UEVLD: variants seen among roughly 807,000 people sequenced by gnomAD.
UEVLD encodes the protein UEV and lactate/malate dehyrogenase domains, also known as ubiquitin-conjugating enzyme E2 variant 3.
In UEVLD, 47 loss-of-function variants were observed where a neutral mutation model predicts 58.6. That is an observed-to-expected ratio of 0.80 (90% CI 0.63 to 1.02). The LOEUF (loss-of-function observed/expected upper bound fraction) is 1.02. Among genes scored for constraint, UEVLD ranks in the 50% least tolerant of loss-of-function variants. The pLI, the probability that UEVLD is intolerant of heterozygous loss-of-function variation, is 0.00. For synonymous variants in UEVLD, 197 were observed against 195.3 expected (o/e 1.01, Z -0.07); for missense variants, 510 against 550.6 (o/e 0.93, Z 0.74).
At chr11:18,563,656 T>C in intron 6 of UEVLD, 1 of 980,604 alleles carries the variant, frequency 1.0e-6, no homozygotes, top group South Asian at 4.7e-5. Context: ...TTGAAATGTT[T>C]ATAGAAGCAT....
At position 18,586,758 on chromosome 11, in the gene UEVLD, G is replaced by C. The variant is rs922808488; in HGVS notation, c.42+1855C>G. On this transcript the variant is annotated intron_variant, in intron 1 of 11. Transcript: ENST00000396197. The stretch of plus-strand genomic sequence containing the variant: ...AATGGTCAGGAAACTTCATATATTT[G>C]CTGCACTGACTTGTTTCTGATTGGT... 2.0e-4 allele frequency among the ~76,000 whole-genome samples: 31 copies of C among 152,172 alleles called. 1 individual carries two copies. The highest frequency in any genetic ancestry group is 2.0e-3 in the Admixed American group (31 of 15,274).
chr11:18,588,421 G>T (rs1316261777), intron 1 of UEVLD, among the ~76,000 whole-genome samples, 192 bp downstream of exon 1: 1 of 152,174 alleles, frequency 6.6e-6, no homozygotes, highest in Non-Finnish European at 1.5e-5. Context: ...CCTCAGAGTT[G>T]CGGGAGAAAT....
intron 9 of UEVLD, among the ~76,000 whole-genome samples, chr11:18,541,375 T>C (rs1851045483): frequency 6.6e-6 from 1 of 152,222 alleles, no homozygotes; most frequent in Non-Finnish European, 1.5e-5. Context: ...ACATGTGTGC[T>C]TGTCTATACA....
chr11:18,545,735 G>A (rs1332193428), intron 8 of UEVLD, among the ~76,000 whole-genome samples: 4 of 152,154 alleles, frequency 2.6e-5, no homozygotes, highest in East Asian at 1.9e-4. Flanking sequence ...GTGAGCCACC[G>A]TGCCTGGTCA....
rs1590359138 is a variant in UEVLD at position 18,570,068 on chromosome 11, G to A, written c.357+146C>T. ...TCTGGGACTTGGGTAACCCTAGAGA[G>A]CTCAATTTCAAATTACTTCCAAAGA... On this transcript the variant is annotated intron_variant, in intron 4 of 11. Transcript: ENST00000396197. The A allele has an allele frequency of 6.6e-6, 6 of 903,472 alleles. No individual in the cohort carries two copies. The East Asian group carries it at 1.5e-4, about 23-fold the overall frequency. The allele number at this position is 903,472 out of a possible 1,614,324, so 56.0% of individuals were successfully genotyped here.
Position 18,554,788 on chromosome 11 carries a change from CATATGT to C in UEVLD, c.715+3434_715+3439del, listed in dbSNP as rs201908949. Among the ~76,000 whole-genome samples, 1,115 of 152,170 alleles carry C rather than the reference CATATGT, an allele frequency of 7.3e-3. 12 individuals carry two copies. The highest frequency in any genetic ancestry group is 0.026 in the African/African-American group (1,064 of 41,520). On this transcript the variant is annotated intron_variant, in intron 7 of 11. Coordinates refer to ENST00000396197, the MANE Select transcript of UEVLD (RefSeq NM_001040697.4). The stretch of plus-strand genomic sequence containing the variant: ...GTATCTGTATGTAAATTTTCATGCT[CATATGT>C]ATATATGTATATCCCTCCCCAAAAT...
intron 7 of UEVLD, 60 bp downstream of exon 7, chr11:18,558,168 T>A: frequency 7.8e-7 from 1 of 1,280,334 alleles, no homozygotes; most frequent in Non-Finnish European, 1.1e-6. Context: ...AGCATTAACA[T>A]TCTAGGAGTC....
At chr11:18,545,075 T>TATATATATATA (rs60959151) in intron 8 of UEVLD, among the ~76,000 whole-genome samples, 17 of 117,212 alleles carry the variant, frequency 1.5e-4, no homozygotes, top group South Asian at 1.1e-3. Flanking sequence ...TATATCTATA[T>TATATATATATA]TTTTTTTTTT....
intron 9 of UEVLD, among the ~76,000 whole-genome samples, chr11:18,541,333 C>T (rs1198700092): frequency 6.6e-6 from 1 of 152,010 alleles, no homozygotes; most frequent in Non-Finnish European, 1.5e-5. Flanking sequence ...AGTAAAAGGG[C>T]GAGGTGGAGA....
intron 1 of UEVLD, among the ~76,000 whole-genome samples, chr11:18,583,756 G>A (rs1048144461): frequency 6.7e-6 from 1 of 148,202 alleles, no homozygotes; most frequent in Admixed American, 6.8e-5. Context: ...GCACTGCCCA[G>A]GTTCAAGCGA....
At chr11:18,588,492 C>A in intron 1 of UEVLD, 121 bp downstream of exon 1, 1 of 1,216,480 alleles carries the variant, frequency 8.2e-7, no homozygotes, top group Non-Finnish European at 1.1e-6. Context: ...TCAGACCAGC[C>A]GCCCCGGCTC....
intron 10 of UEVLD, 127 bp downstream of exon 10, chr11:18,536,279 A>G (rs1850790421): frequency 1.2e-6 from 1 of 810,424 alleles, no homozygotes; most frequent in Admixed American, 2.2e-5. Flanking sequence ...GCTCCTTTAT[A>G]CTTTTGGGTT....
chr11:18,544,258 A>T (rs1352107864), intron 9 of UEVLD, among the ~76,000 whole-genome samples: 1 of 152,186 alleles, frequency 6.6e-6, no homozygotes, highest in African/African-American at 2.4e-5. Context: ...TGGAGTCCTC[A>T]GATATATGTG....
rs368897951 is a variant in UEVLD, at chr11:18,560,138, C to CACACACACACACACACAGAG, written c.613-1809_613-1808insCTCTGTGTGTGTGTGTGTGT. ...ACACACACACACACACACACACACA[C>CACACACACACACACACAGAG]AGAGAGAGAAAGAAAATAACCCTGC... is the stretch of plus-strand genomic sequence containing the variant. On this transcript the variant is annotated intron_variant, in intron 6 of 11. Coordinates refer to ENST00000396197, the MANE Select transcript of UEVLD (RefSeq NM_001040697.4). Among the ~76,000 whole-genome samples the CACACACACACACACACAGAG allele has an allele frequency of 2.2e-3, 168 of 74,796 alleles. 2 individuals carry two copies. Among genetic ancestry groups the CACACACACACACACACAGAG allele is most frequent in the Non-Finnish European group, 3.4e-3 (135 of 39,416 alleles). The allele number at this position is 74,796 out of a possible 152,430, so 49.1% of individuals were successfully genotyped here.
chr11:18,572,126 C>T (rs1215988169), intron 3 of UEVLD, among the ~76,000 whole-genome samples: 2 of 152,264 alleles, frequency 1.3e-5, no homozygotes, highest in Non-Finnish European at 2.9e-5. Flanking sequence ...GTCCCAGCTC[C>T]TCAGGAGGCT....
At chr11:18,575,563 T>C in intron 2 of UEVLD, 151 bp from the exon 3 acceptor site, 2 of 736,828 alleles carry the variant, frequency 2.7e-6, no homozygotes, top group Non-Finnish European at 4.3e-6. Context: ...TCGGTAAATC[T>C]GTCAACAAGA....
chr11:18,581,509 T>A (rs1853237835), intron 1 of UEVLD, among the ~76,000 whole-genome samples: 1 of 151,548 alleles, frequency 6.6e-6, no homozygotes, highest in African/African-American at 2.4e-5. Context: ...CATGGTGAAA[T>A]CCCGTCTCAA....
chr11:18,563,313 G>A (rs1007412539), intron 6 of UEVLD, among the ~76,000 whole-genome samples: 3 of 151,824 alleles, frequency 2.0e-5, no homozygotes, highest in Non-Finnish European at 2.9e-5. Flanking sequence ...CAACCAGGCC[G>A]GGTGCAGTGG....
chr11:18,547,572 T>C (rs1851355345), intron 7 of UEVLD, among the ~76,000 whole-genome samples: 1 of 152,122 alleles, frequency 6.6e-6, no homozygotes, highest in African/African-American at 2.4e-5. Flanking sequence ...GCAATAGTAA[T>C]AATCAAAATA....
Sources: gnomAD v4.1 joint callset for allele counts (sites outside exome capture counted in the v4.1 genomes callset) on GRCh38, gnomAD v4.1.1 for gene constraint, MANE v1.5 for transcripts, NCBI Gene and HGNC (gene_info 2026-07-23, HGNC 2026-07-21) for gene names.